ENOX1: variants seen among roughly 807,000 people sequenced by gnomAD.
The protein encoded by ENOX1 is candidate growth-related and time keeping constitutive hydroquinone (NADH) oxidase.
A neutral mutation model predicts 82.5 loss-of-function variants in ENOX1; 42 were observed. The ratio of observed to expected loss-of-function variants is 0.51; its 90% CI spans 0.40 to 0.66. ENOX1 has a LOEUF of 0.66. ENOX1 is among the 30% of genes least tolerant of loss of function. ENOX1 has a pLI of 0.00. For missense variants in ENOX1, 608 were observed against 811.6 expected (o/e 0.75, Z 3.05); for synonymous variants, 271 against 282.2 (o/e 0.96, Z 0.40).
At chr13:43,373,619 C>T (rs1029198283) in intron 5 of ENOX1, among the ~76,000 whole-genome samples, 1 of 152,170 alleles carries the variant, frequency 6.6e-6, no homozygotes, top group South Asian at 2.1e-4. Flanking sequence ...CACACACACA[C>T]GTGTCTTTTT....
intron 5 of ENOX1, among the ~76,000 whole-genome samples, chr13:43,371,933 T>C (rs1449356170): frequency 1.3e-5 from 2 of 152,232 alleles, no homozygotes; most frequent in African/African-American, 4.8e-5. Context: ...ATTTAATTTT[T>C]CTACTAGACT....
intron 1 of ENOX1, among the ~76,000 whole-genome samples, chr13:43,727,564 T>C (rs1459037602): frequency 2.6e-5 from 4 of 152,142 alleles, no homozygotes; most frequent in Non-Finnish European, 5.9e-5. Flanking sequence ...CTGAAGTCCA[T>C]GTATGGTTGC....
At chr13:43,582,600 G>T (rs2080795885) in intron 2 of ENOX1, among the ~76,000 whole-genome samples, 1 of 151,788 alleles carries the variant, frequency 6.6e-6, no homozygotes, top group Non-Finnish European at 1.5e-5. Context: ...TGGAGACAGG[G>T]TCTCACTCTG....
intron 1 of ENOX1, among the ~76,000 whole-genome samples, chr13:43,719,205 T>C (rs2088375633): frequency 6.6e-6 from 1 of 152,100 alleles, no homozygotes; most frequent in East Asian, 1.9e-4. Context: ...AAGCCTCTTC[T>C]ATTACTGCCT....
At chr13:43,362,766 G>A (rs551112388) in intron 5 of ENOX1, among the ~76,000 whole-genome samples, 3 of 152,250 alleles carry the variant, frequency 2.0e-5, no homozygotes, top group African/African-American at 4.8e-5. Context: ...TACAGATTCC[G>A]CCAGCTACTT....
intron 2 of ENOX1, among the ~76,000 whole-genome samples, chr13:43,574,719 G>C (rs1179402179): frequency 2.0e-5 from 3 of 152,158 alleles, no homozygotes; most frequent in African/African-American, 7.2e-5. Flanking sequence ...ATTTTAATCT[G>C]CCATGCCTGA....
At chr13:43,405,642 C>CTT (rs2053750955) in intron 5 of ENOX1, among the ~76,000 whole-genome samples, 1 of 152,142 alleles carries the variant, frequency 6.6e-6, no homozygotes, top group Non-Finnish European at 1.5e-5. Context: ...TCCATGTGGT[C>CTT]TTAGTCATCC....
chr13:43,473,469 G>T (rs1376988353), intron 3 of ENOX1, among the ~76,000 whole-genome samples: 1 of 152,116 alleles, frequency 6.6e-6, no homozygotes, highest in Non-Finnish European at 1.5e-5. Flanking sequence ...GAGTGGAAAT[G>T]ATCTCAGAAA....
At chr13:43,784,810 G>T (rs1434002465) in intron 1 of ENOX1, among the ~76,000 whole-genome samples, 2 of 152,154 alleles carry the variant, frequency 1.3e-5, no homozygotes, top group Non-Finnish European at 2.9e-5. Context: ...CATTGACAAG[G>T]CTTCTAAAGA....
intron 1 of ENOX1, among the ~76,000 whole-genome samples, chr13:43,703,749 G>A (rs890652346): frequency 6.6e-6 from 1 of 152,094 alleles, no homozygotes; most frequent in Non-Finnish European, 1.5e-5. Context: ...AGGAATAACT[G>A]ACTACTAAAA....
chr13:43,644,071 T>C (rs1191873675), intron 2 of ENOX1, among the ~76,000 whole-genome samples: 1 of 152,162 alleles, frequency 6.6e-6, no homozygotes, highest in South Asian at 2.1e-4. Flanking sequence ...CTTTTAGTCA[T>C]CTTAATTAAT....
intron 2 of ENOX1, among the ~76,000 whole-genome samples, chr13:43,650,823 C>T (rs530178229): frequency 2.0e-5 from 3 of 152,198 alleles, no homozygotes; most frequent in African/African-American, 7.2e-5. Context: ...GGGCGACAAG[C>T]GCAAGACTCC....
chr13:43,288,587 C>T (rs2045832532), intron 12 of ENOX1, among the ~76,000 whole-genome samples: 1 of 152,110 alleles, frequency 6.6e-6, no homozygotes, highest in South Asian at 2.1e-4. Context: ...GATTTTCTTG[C>T]CCTGTCCAGT....
In ENOX1 at chr13:43,259,163, A is replaced by C. The variant is rs151063818; in HGVS notation, c.1611+6235T>G. On this transcript the variant is annotated intron_variant, in intron 14 of 16. Coordinates refer to ENST00000690772, the MANE Select transcript of ENOX1 (RefSeq NM_001347969.2). ...GGTTATTACCTTAATTTTGGAGGTG[A>C]ACAAAATGGAAGTGCAGGGGTTCAG... Among the ~76,000 whole-genome samples, 638 of 152,248 alleles carry C rather than the reference A, an allele frequency of 4.2e-3. 3 individuals carry two copies. The highest frequency in any genetic ancestry group is 0.015 in the African/African-American group (619 of 41,536).
At chr13:43,717,098 A>G (rs544083178) in intron 1 of ENOX1, among the ~76,000 whole-genome samples, 1 of 152,342 alleles carries the variant, frequency 6.6e-6, no homozygotes, top group South Asian at 2.1e-4. Context: ...ATCCTAATCG[A>G]AAAGAACAAA....
At position 43,647,050 on chromosome 13, in the gene ENOX1, C is replaced by T. The variant is rs564814876; in HGVS notation, c.-219+20429G>A. On this transcript the variant is annotated intron_variant, in intron 2 of 16. Coordinates refer to ENST00000690772, the MANE Select transcript of ENOX1 (RefSeq NM_001347969.2). ...AGGAGGCCAATAGATGGTCTCAGCA[C>T]CCATTCTGGCCCTCTCAGAGGCGTC... Among the ~76,000 whole-genome samples the T allele has an allele frequency of 3.1e-3, 470 of 152,286 alleles. 4 individuals are homozygous for T. The highest frequency in any genetic ancestry group is 5.3e-3 in the Non-Finnish European group (361 of 68,016).
At position 43,670,851 on chromosome 13, in the gene ENOX1, AAACAAC is replaced by A. The variant is rs59254437; in HGVS notation, c.-284-3313_-284-3308del. Among the ~76,000 whole-genome samples the A allele has an allele frequency of 6.9e-3, 1,043 of 150,304 alleles. 12 individuals are homozygous for A. Among genetic ancestry groups the A allele is most frequent in the African/African-American group, 0.024 (975 of 40,778 alleles). ...GAGTGAGAGTCTATCTCAAACAACAAAACAACAACAACAACAACAACAACAACAACA... is the reference window on the plus strand; with the variant it reads ...GAGTGAGAGTCTATCTCAAACAACAAAACAACAACAACAACAACAACAACA... On this transcript the variant is annotated intron_variant, in intron 1 of 16. Transcript: ENST00000690772.
intron 3 of ENOX1, among the ~76,000 whole-genome samples, chr13:43,427,174 A>G (rs1033547045): frequency 6.6e-6 from 1 of 152,174 alleles, no homozygotes; most frequent in Non-Finnish European, 1.5e-5. Flanking sequence ...TAAAGTCTAT[A>G]AAGTAAAAGG....
At chr13:43,450,920 C>G (rs2056932058) in intron 3 of ENOX1, among the ~76,000 whole-genome samples, 1 of 152,088 alleles carries the variant, frequency 6.6e-6, no homozygotes, top group Non-Finnish European at 1.5e-5. Flanking sequence ...TTAATAGAAG[C>G]CTGTCTGAAA....
Sources: gnomAD v4.1 joint callset for allele counts (sites outside exome capture counted in the v4.1 genomes callset) on GRCh38, gnomAD v4.1.1 for gene constraint, MANE v1.5 for transcripts, NCBI Gene and HGNC (gene_info 2026-07-23, HGNC 2026-07-21) for gene names.